Variants in ZNF697 observed in about 807,000 individuals in gnomAD.
The protein encoded by ZNF697 is zinc finger protein 697.
In ZNF697, 23 loss-of-function variants were observed where a neutral mutation model predicts 32.4. That is an observed-to-expected ratio of 0.71 (90% CI 0.51 to 1.01). ZNF697 has a LOEUF of 1.01. Ranked by LOEUF, ZNF697 falls within the 50% of genes least tolerant of loss-of-function variation. The pLI, the probability that ZNF697 is intolerant of heterozygous loss-of-function variation, is 0.00. For missense variants in ZNF697, 930 were observed against 794.0 expected (o/e 1.17, Z -2.06); for synonymous variants, 418 against 337.2 (o/e 1.24, Z -2.62).
chr1:119,645,379 C>A (rs1649174544), intron 1 of ZNF697, among the ~76,000 whole-genome samples: 1 of 152,162 alleles, frequency 6.6e-6, no homozygotes, highest in Non-Finnish European at 1.5e-5. Context: ...TAGATATTAA[C>A]ACCTAAAGCA....
rs1429160058 is a variant in ZNF697 at position 119,625,927 on chromosome 1, G to A, written c.174C>T (p.Gly58=). 1.2e-6 allele frequency: 2 copies of A among 1,613,898 alleles called. No homozygotes were observed. Among genetic ancestry groups the A allele is most frequent in the Non-Finnish European group, 1.7e-6 (2 of 1,179,880 alleles). Residue 58 remains glycine (G), a synonymous_variant, in exon 2 of 3, where the codon GGC becomes GGT. Transcript: ENST00000421812. ...TGTGCCTTGAGTCCTGTGGGTTGGA[G>A]CCCATCTCCGGCTCCGGATGGCCTT... is the stretch of plus-strand genomic sequence containing the variant. ...KREGHPEPEM[G]SNPQDSRHRE...
At chr1:119,640,674 A>G (rs1159076077) in intron 1 of ZNF697, among the ~76,000 whole-genome samples, 1 of 152,244 alleles carries the variant, frequency 6.6e-6, no homozygotes, top group African/African-American at 2.4e-5. Flanking sequence ...CCACTATGAC[A>G]GGACAACTAC....
intron 2 of ZNF697, 139 bp downstream of exon 2, chr1:119,625,736 A>T: frequency 1.7e-6 from 2 of 1,199,288 alleles, no homozygotes; most frequent in Non-Finnish European, 2.3e-6. Flanking sequence ...AAGAGAGGCA[A>T]GTCAGTACAG....
chr1:119,633,189 G>A (rs1228278880), intron 1 of ZNF697, among the ~76,000 whole-genome samples: 2 of 152,336 alleles, frequency 1.3e-5, no homozygotes, highest in African/African-American at 4.8e-5. Context: ...TAGAAGAGTT[G>A]TGGCCAGACT....
chr1:119,641,932 C>T (rs1649086967), intron 1 of ZNF697, among the ~76,000 whole-genome samples: 1 of 152,166 alleles, frequency 6.6e-6, no homozygotes, highest in Non-Finnish European at 1.5e-5. Flanking sequence ...TTCTTCATAG[C>T]AGCATGAGAA....
Position 119,622,519 on chromosome 1 carries a change from A to C in ZNF697, c.*186T>G. 8.9e-7 allele frequency: 1 copy of C among 1,127,000 alleles called. No homozygotes were observed. Among genetic ancestry groups the C allele is most frequent in the South Asian group, 1.8e-5 (1 of 54,870 alleles). The allele number at this position is 1,127,000 out of a possible 1,614,324, so 69.8% of individuals were successfully genotyped here. A position where few individuals can be genotyped will look rare whatever the true frequency, so the allele number is the denominator to read the frequency against. Reference sequence around the variant, plus strand: ...ATTCTTCCGTGGAGAGGAGGCAAGTATAGCACCGGGAAAGACCAACTTACT... The same window carrying C: ...ATTCTTCCGTGGAGAGGAGGCAAGTCTAGCACCGGGAAAGACCAACTTACT... On this transcript the variant is annotated 3_prime_UTR_variant, in exon 3 of 3. Coordinates refer to ENST00000421812, the MANE Select transcript of ZNF697 (RefSeq NM_001080470.2).
chr1:119,639,673 G>A (rs1476874558), intron 1 of ZNF697, among the ~76,000 whole-genome samples: 1 of 150,564 alleles, frequency 6.6e-6, no homozygotes, highest in East Asian at 1.9e-4. Flanking sequence ...AAGCTCGGGA[G>A]TGCAAGATCA....
intron 2 of ZNF697, among the ~76,000 whole-genome samples, chr1:119,625,568 A>G (rs1020802131): frequency 2.6e-5 from 4 of 152,212 alleles, no homozygotes; most frequent in African/African-American, 7.2e-5. Context: ...TGTGAGGTAG[A>G]TTCTATTACT....
intron 1 of ZNF697, among the ~76,000 whole-genome samples, chr1:119,636,821 T>C (rs1648935614): frequency 6.6e-6 from 1 of 152,224 alleles, no homozygotes; most frequent in African/African-American, 2.4e-5. Flanking sequence ...TAATTCACAC[T>C]TGTGATTTGG....
At chr1:119,631,031 C>A (rs1367085107) in intron 1 of ZNF697, among the ~76,000 whole-genome samples, 1 of 152,242 alleles carries the variant, frequency 6.6e-6, no homozygotes, top group Non-Finnish European at 1.5e-5. Flanking sequence ...TGAACAAGGT[C>A]CCCACCACTT....
At chr1:119,635,770 G>A (rs1648902989) in intron 1 of ZNF697, among the ~76,000 whole-genome samples, 1 of 108,188 alleles carries the variant, frequency 9.2e-6, no homozygotes, top group Non-Finnish European at 1.8e-5. Flanking sequence ...ATCTCCATGA[G>A]ATGAACTCTG....
rs948362560 is a variant in ZNF697 at position 119,622,462 on chromosome 1, G to C, written c.*243C>G. On this transcript the variant is annotated 3_prime_UTR_variant, in exon 3 of 3. Transcript: ENST00000421812. Reference sequence around the variant, plus strand: ...TCACCCCCTACAGCGTGTATTTAAGGAAGTCATCACCCCAAGCGCATCTCC... The same window carrying C: ...TCACCCCCTACAGCGTGTATTTAAGCAAGTCATCACCCCAAGCGCATCTCC... 9.3e-6 allele frequency: 6 copies of C among 646,724 alleles called. No homozygotes were observed. The highest frequency in any genetic ancestry group is 9.4e-6 in the Non-Finnish European group (4 of 423,318). The allele number at this position is 646,724 out of a possible 1,614,324, so 40.1% of individuals were successfully genotyped here.
chr1:119,636,724 G>A (rs932132510), intron 1 of ZNF697, among the ~76,000 whole-genome samples: 1 of 152,172 alleles, frequency 6.6e-6, no homozygotes, highest in African/African-American at 2.4e-5. Flanking sequence ...CCAGTTAAGG[G>A]CAGACACGAG....
At chr1:119,646,171 C>A (rs1649196642) in intron 1 of ZNF697, among the ~76,000 whole-genome samples, 2 of 152,124 alleles carry the variant, frequency 1.3e-5, no homozygotes. Context: ...CCCAGTAGTT[C>A]TGAAAAGCCA....
At chr1:119,626,319 G>T (rs992630055) in intron 1 of ZNF697, among the ~76,000 whole-genome samples, 182 bp from the exon 2 acceptor site, 1 of 152,218 alleles carries the variant, frequency 6.6e-6, no homozygotes, top group Non-Finnish European at 1.5e-5. Flanking sequence ...CTGGGTGGCA[G>T]AAGAACAGTG....
At chr1:119,646,322 A>ACAC (rs1649201650) in intron 1 of ZNF697, among the ~76,000 whole-genome samples, 3 of 136,830 alleles carry the variant, frequency 2.2e-5, no homozygotes, top group African/African-American at 8.5e-5. Context: ...CCCCACTTCC[A>ACAC]ACACACACAC....
At position 119,623,402 on chromosome 1, in the gene ZNF697, T is replaced by TA; in HGVS notation, c.940_941insT (p.Glu314ValfsTer121). 6.6e-7 allele frequency: 1 copy of TA among 1,518,330 alleles called. No homozygotes were observed. The highest frequency in any genetic ancestry group is 8.8e-7 in the Non-Finnish European group (1 of 1,134,570). 94.1% of individuals were successfully genotyped at this position (1,518,330 alleles called of 1,614,324 possible). On this transcript the variant is annotated frameshift_variant, in exon 3 of 3. Coordinates refer to ENST00000421812, the MANE Select transcript of ZNF697 (RefSeq NM_001080470.2). LOFTEE classifies it high-confidence loss of function. ...GCACTCGGGGCACGGGTAGGGCTTC[T>TA]CGCCCGTGTGCAGGCGCCGGTGCTT... is the stretch of plus-strand genomic sequence containing the variant.
chr1:119,631,744 A>G (rs1419398056), intron 1 of ZNF697, among the ~76,000 whole-genome samples: 1 of 152,154 alleles, frequency 6.6e-6, no homozygotes, highest in Non-Finnish European at 1.5e-5. Flanking sequence ...GCGGCGGGCC[A>G]GGAGCGGCTC....
chr1:119,625,975 A>G lies in ZNF697; in HGVS notation c.126T>C (p.Asn42=). The part of the protein sequence containing the change: ...GDPEEREMGS[N]PHDTNKREGH... ...CTTCTCTCTTGTTTGTGTCATGTGGATTAGAGCCCATTTCTCTTTCTTCTG... is the reference window on the plus strand; with the variant it reads ...CTTCTCTCTTGTTTGTGTCATGTGGGTTAGAGCCCATTTCTCTTTCTTCTG... Residue 42 remains asparagine (N), a synonymous_variant, in exon 2 of 3, where the codon AAT becomes AAC. Coordinates refer to ENST00000421812, the MANE Select transcript of ZNF697 (RefSeq NM_001080470.2). The G allele has an allele frequency of 6.2e-7, 1 of 1,613,924 alleles. No homozygotes were observed. Among genetic ancestry groups the G allele is most frequent in the Non-Finnish European group, 8.5e-7 (1 of 1,179,876 alleles).
Sources: allele counts gnomAD v4.1 joint callset (sites outside exome capture counted in the v4.1 genomes callset), GRCh38; gene constraint gnomAD v4.1.1; transcripts MANE v1.5; gene names NCBI Gene and HGNC (gene_info 2026-07-23, HGNC 2026-07-21).